The following DNAH8 variants were observed in gnomAD, a reference collection of about 807,000 sequenced individuals.
DNAH8 encodes axonemal beta dynein heavy chain 8.
DNAH8 carries 382 observed loss-of-function variants against 562.1 expected under a neutral mutation model. That is an observed-to-expected ratio of 0.68 (90% CI 0.63 to 0.74). The LOEUF (loss-of-function observed/expected upper bound fraction) is 0.74. DNAH8 is among the 30% of genes least tolerant of loss of function. The probability of loss-of-function intolerance (pLI) is 0.00; values close to 1 mark genes in which losing one functional copy is unlikely to be tolerated. For synonymous variants in DNAH8, 1,881 were observed against 1,919.4 expected (o/e 0.98, Z 0.52); for missense variants, 5,203 against 5,620.4 (o/e 0.93, Z 2.37).
In DNAH8 at chr6:38,807,596, A is replaced by G; in HGVS notation, c.3151-14A>G. 1 of 1,400,890 alleles carries G rather than the reference A, an allele frequency of 7.1e-7. No individual in the cohort carries two copies. 86.8% of individuals were successfully genotyped at this position (1,400,890 alleles called of 1,614,324 possible). On this transcript the variant is annotated splice_polypyrimidine_tract_variant and intron_variant, in intron 23 of 92. Coordinates refer to ENST00000327475, the MANE Select transcript of DNAH8 (RefSeq NM_001206927.2). ...GAGGAGAGATACCAAATTTAATCTG[A>G]TTTCTTATTACAGGAGTGTAAAGAG... is the stretch of plus-strand genomic sequence containing the variant.
rs1031918009 is a variant in DNAH8, at chr6:39,030,691, T to A, written c.*299T>A. On this transcript the variant is annotated 3_prime_UTR_variant, in exon 93 of 93. Transcript: ENST00000327475. ...TTTGGAAGCTCTGAATTTTAAAAAT[T>A]TGAAAGTGTTGATATGTGACATCCT... Among the ~76,000 whole-genome samples, 3 of 152,216 alleles carry A rather than the reference T, an allele frequency of 2.0e-5. No individual in the cohort carries two copies. Among genetic ancestry groups the A allele is most frequent in the Non-Finnish European group, 4.4e-5 (3 of 68,046 alleles).
chr6:38,875,238 A>G (rs1244439333), intron 52 of DNAH8, among the ~76,000 whole-genome samples: 1 of 152,240 alleles, frequency 6.6e-6, no homozygotes, highest in Non-Finnish European at 1.5e-5. Flanking sequence ...TGGAAAATTT[A>G]GATAACTTAA....
chr6:38,934,210 A>G (rs1782771000), intron 76 of DNAH8, among the ~76,000 whole-genome samples: 1 of 151,870 alleles, frequency 6.6e-6, no homozygotes, highest in African/African-American at 2.4e-5. Flanking sequence ...AAAATTAGCC[A>G]GGCGTGGTGG....
intron 77 of DNAH8, among the ~76,000 whole-genome samples, chr6:38,937,064 T>C (rs1223354604): frequency 3.3e-5 from 5 of 152,064 alleles, no homozygotes; most frequent in African/African-American, 1.2e-4. Context: ...GGGACATGGA[T>C]GAAACTGGAA....
chr6:38,823,787 T>C lies in DNAH8; in HGVS notation c.3847+99T>C, dbSNP rs1032596145. The C allele has an allele frequency of 7.8e-5, 48 of 616,516 alleles. 1 individual carries two copies. The Admixed American group carries it at 1.1e-3, about 15-fold the overall frequency. The allele number at this position is 616,516 out of a possible 1,614,324, so 38.2% of individuals were successfully genotyped here. A position where few individuals can be genotyped will look rare whatever the true frequency, so the allele number is the denominator to read the frequency against. ...ATTAAGTTATCTTGGTACAATAGTA[T>C]TATACCAAGATATAATAATAATAAT... On this transcript the variant is annotated intron_variant, in intron 28 of 92. Coordinates refer to ENST00000327475, the MANE Select transcript of DNAH8 (RefSeq NM_001206927.2).
intron 23 of DNAH8, 127 bp from the exon 24 acceptor site, chr6:38,807,483 A>G: frequency 2.4e-6 from 1 of 424,896 alleles, no homozygotes. Flanking sequence ...CTACAATATC[A>G]TTGAAATTGT....
chr6:38,881,534 A>G (rs1199954873), intron 53 of DNAH8, among the ~76,000 whole-genome samples: 1 of 149,336 alleles, frequency 6.7e-6, no homozygotes, highest in Non-Finnish European at 1.5e-5. Flanking sequence ...ATGTAAATAA[A>G]TTTTTGAAAT....
intron 91 of DNAH8, among the ~76,000 whole-genome samples, chr6:39,023,237 A>G (rs1161484131): frequency 1.3e-5 from 2 of 152,222 alleles, no homozygotes; most frequent in Admixed American, 1.3e-4. Context: ...TCACGACTGT[A>G]ATCCCAGCAC....
At chr6:38,784,500 C>T (rs1582996869) in intron 17 of DNAH8, among the ~76,000 whole-genome samples, 1 of 152,106 alleles carries the variant, frequency 6.6e-6, no homozygotes, top group East Asian at 1.9e-4. Context: ...CAGAGCCCAC[C>T]ATATACTTTA....
chr6:38,789,987 C>T, intron 19 of DNAH8, 104 bp downstream of exon 19: 4 of 816,988 alleles, frequency 4.9e-6, no homozygotes, highest in Non-Finnish European at 7.7e-6. Flanking sequence ...TTAGACCCTC[C>T]ATCTTTCTAG....
chr6:38,895,927 T>G, intron 59 of DNAH8, 106 bp from the exon 60 acceptor site: 2 of 884,954 alleles, frequency 2.3e-6, no homozygotes, highest in Admixed American at 4.9e-5. Context: ...TTCCCTGTCC[T>G]GAATTGAGAA....
intron 53 of DNAH8, among the ~76,000 whole-genome samples, chr6:38,881,508 A>G (rs1481363644): frequency 6.6e-6 from 1 of 152,046 alleles, no homozygotes; most frequent in East Asian, 1.9e-4. Flanking sequence ...TGTAAGGAAC[A>G]TCCAGAGATG....
At chr6:38,992,373 C>T (rs1036831083) in intron 88 of DNAH8, among the ~76,000 whole-genome samples, 4 of 152,200 alleles carry the variant, frequency 2.6e-5, no homozygotes, top group African/African-American at 9.7e-5. Flanking sequence ...ACTGCTGCAT[C>T]CCTTGTGCTA....
At chr6:38,730,651 C>G (rs149041507) in intron 4 of DNAH8, among the ~76,000 whole-genome samples, 4 of 152,154 alleles carry the variant, frequency 2.6e-5, no homozygotes, top group Non-Finnish European at 5.9e-5. Flanking sequence ...CTCTGAAATT[C>G]GTACTGTGTA....
In DNAH8 at chr6:38,826,229, A is replaced by G. The variant is rs1466710446; in HGVS notation, c.3921A>G (p.Glu1307=). Residue 1307 remains glutamate, a synonymous_variant, in exon 29 of 93, where the codon GAA becomes GAG. Coordinates refer to ENST00000327475, the MANE Select transcript of DNAH8 (RefSeq NM_001206927.2). ...TACTCTGTCGATATCTGAATGAAGA[A>G]TACAAAAAGAAAATGTCATACATGA... The part of the protein sequence containing the change: ...KMLLCRYLNE[E]YKKKMSYMIA... 1 of 1,613,754 alleles carries G rather than the reference A, an allele frequency of 6.2e-7. No homozygotes were observed. Among genetic ancestry groups the G allele is most frequent in the South Asian group, 1.1e-5 (1 of 90,972 alleles).
intron 21 of DNAH8, among the ~76,000 whole-genome samples, chr6:38,794,535 C>T (rs531721042): frequency 3.3e-4 from 51 of 152,292 alleles, no homozygotes; most frequent in Non-Finnish European, 6.2e-4. Flanking sequence ...CAAGTGATTC[C>T]TTTGTGCTTT....
Position 39,016,243 on chromosome 6 carries a change from A to G in DNAH8, c.13714+3606A>G, listed in dbSNP as rs117171697. 0.011 allele frequency among the ~76,000 whole-genome samples: 1,680 copies of G among 148,690 alleles called. 106 individuals carry two copies. In the East Asian group the frequency reaches 0.16, roughly 14 times the overall value. ...TCTTTGGTTCAAAACATTTAAGTAA[A>G]TGGCTTTAAATAAAAAACCCTACAT... On this transcript the variant is annotated intron_variant, in intron 91 of 92. Coordinates refer to ENST00000327475, the MANE Select transcript of DNAH8 (RefSeq NM_001206927.2).
intron 21 of DNAH8, among the ~76,000 whole-genome samples, chr6:38,795,012 C>T (rs532674761): frequency 9.2e-5 from 14 of 152,246 alleles, no homozygotes; most frequent in African/African-American, 2.9e-4. Context: ...GACAAGTTCA[C>T]GCATTACATT....
intron 33 of DNAH8, among the ~76,000 whole-genome samples, chr6:38,840,765 A>G (rs2150368586): frequency 6.6e-6 from 1 of 152,346 alleles, no homozygotes; most frequent in African/African-American, 2.4e-5. Context: ...TAACTGTATT[A>G]AATGAAAGCA....
Sources: allele counts gnomAD v4.1 joint callset (sites outside exome capture counted in the v4.1 genomes callset), GRCh38; gene constraint gnomAD v4.1.1; transcripts MANE v1.5; gene names NCBI Gene and HGNC (gene_info 2026-07-23, HGNC 2026-07-21).